The following ZHX2 variants were observed in gnomAD, a reference collection of about 807,000 sequenced individuals.
ZHX2 encodes the protein zinc fingers and homeoboxes 2, also known as zinc fingers and homeoboxes protein 2.
ZHX2 carries 6 observed loss-of-function variants against 21.9 expected under a neutral mutation model. The ratio of observed to expected loss-of-function variants is 0.27; its 90% CI spans 0.15 to 0.54. ZHX2 has a LOEUF of 0.54. Ranked by LOEUF, ZHX2 falls within the 20% of genes least tolerant of loss-of-function variation. The probability of loss-of-function intolerance (pLI) is 0.95; values close to 1 mark genes in which losing one functional copy is unlikely to be tolerated. For synonymous variants in ZHX2, 434 were observed against 437.1 expected (o/e 0.99, Z 0.09); for missense variants, 908 against 1,090.7 (o/e 0.83, Z 2.36).
chr8:122,891,547 G>T (rs3114978), intron 2 of ZHX2, among the ~76,000 whole-genome samples: 1 of 152,048 alleles, frequency 6.6e-6, no homozygotes, highest in Non-Finnish European at 1.5e-5. Context: ...CTACTTTTTA[G>T]ATGTAGGTGT....
At chr8:122,844,074 G>A (rs1488903785) in intron 1 of ZHX2, among the ~76,000 whole-genome samples, 1 of 152,086 alleles carries the variant, frequency 6.6e-6, no homozygotes, top group Non-Finnish European at 1.5e-5. Flanking sequence ...CTTTCTTGGG[G>A]CATCTCCTAC....
intron 2 of ZHX2, among the ~76,000 whole-genome samples, chr8:122,867,293 G>A (rs58533610): frequency 0.012 from 1,846 of 152,248 alleles, 18 homozygotes; most frequent in African/African-American, 0.021. Context: ...TCAGCCCAGG[G>A]TGTTTCCTGC....
intron 1 of ZHX2, among the ~76,000 whole-genome samples, chr8:122,851,595 C>A (rs1179495179): frequency 6.6e-6 from 1 of 152,232 alleles, no homozygotes; most frequent in Non-Finnish European, 1.5e-5. Flanking sequence ...TGTTTTGATT[C>A]CTCCAGGATC....
intron 1 of ZHX2, among the ~76,000 whole-genome samples, chr8:122,814,075 G>A (rs1203875702): frequency 6.6e-6 from 1 of 152,010 alleles, no homozygotes; most frequent in African/African-American, 2.4e-5. Flanking sequence ...CCCCAATCCA[G>A]ACCCAAAGTT....
At chr8:122,788,711 C>T (rs1241300790) in intron 1 of ZHX2, among the ~76,000 whole-genome samples, 2 of 152,212 alleles carry the variant, frequency 1.3e-5, no homozygotes, top group Non-Finnish European at 2.9e-5. Context: ...GTACGTAAGT[C>T]TTCTGGAAGC....
chr8:122,844,709 C>T (rs116329645), intron 1 of ZHX2, among the ~76,000 whole-genome samples: 130 of 152,164 alleles, frequency 8.5e-4, no homozygotes, highest in African/African-American at 3.0e-3. Context: ...CTCACTGAGT[C>T]TCTCTCTCTC....
intron 2 of ZHX2, among the ~76,000 whole-genome samples, chr8:122,920,717 G>T (rs1820716841): frequency 6.6e-6 from 1 of 152,182 alleles, no homozygotes; most frequent in South Asian, 2.1e-4. Context: ...CAGGCCACGT[G>T]CCCTCCAGTT....
chr8:122,884,789 GC>G (rs1197575680), intron 2 of ZHX2, among the ~76,000 whole-genome samples: 2 of 152,310 alleles, frequency 1.3e-5, no homozygotes, highest in East Asian at 1.9e-4. Context: ...CCTTTCAGGA[GC>G]CTTACACATC....
rs192915371 is a variant in ZHX2 at position 122,956,627 on chromosome 8, G to T, written c.*4+2599G>T. ...TGCCACTGGTGAGAAACCAAAAGAG[G>T]TTGGGCATAGCCAAAAGGTAGAGTT... is the stretch of plus-strand genomic sequence containing the variant. On this transcript the variant is annotated intron_variant, in intron 3 of 3. Coordinates refer to ENST00000314393, the MANE Select transcript of ZHX2 (RefSeq NM_014943.5). 6.6e-5 allele frequency among the ~76,000 whole-genome samples: 10 copies of T among 152,316 alleles called. No individual in the cohort carries two copies. The East Asian group carries it at 1.7e-3, about 26-fold the overall frequency.
chr8:122,962,159 A>G (rs1206049225), intron 3 of ZHX2, among the ~76,000 whole-genome samples: 2 of 152,176 alleles, frequency 1.3e-5, no homozygotes, highest in South Asian at 2.1e-4. Flanking sequence ...TTGGGGGAAC[A>G]TGTGGTGTTG....
chr8:122,937,963 G>A (rs1353005427), intron 2 of ZHX2, among the ~76,000 whole-genome samples: 2 of 75,456 alleles, frequency 2.7e-5, no homozygotes, highest in Non-Finnish European at 5.0e-5. Flanking sequence ...TTGAGACGGA[G>A]TCTGGCTCTG....
intron 1 of ZHX2, among the ~76,000 whole-genome samples, chr8:122,819,183 A>G (rs1232940628): frequency 6.6e-6 from 1 of 152,204 alleles, no homozygotes; most frequent in Non-Finnish European, 1.5e-5. Flanking sequence ...GGCAACTGAG[A>G]AGAGCCAGTG....
chr8:122,870,984 G>A (rs566650530), intron 2 of ZHX2, among the ~76,000 whole-genome samples: 1 of 152,308 alleles, frequency 6.6e-6, no homozygotes, highest in Admixed American at 6.5e-5. Context: ...GTGGCAGGTG[G>A]TGTTGAAGGC....
At chr8:122,921,082 T>G (rs147215669) in intron 2 of ZHX2, among the ~76,000 whole-genome samples, 40 of 152,098 alleles carry the variant, frequency 2.6e-4, no homozygotes, top group African/African-American at 9.2e-4. Context: ...TTTGTTTTTG[T>G]TTTTGTTTTT....
chr8:122,883,916 G>A (rs780520440), intron 2 of ZHX2, among the ~76,000 whole-genome samples: 24 of 152,218 alleles, frequency 1.6e-4, no homozygotes, highest in Admixed American at 3.3e-4. Context: ...TGTATTTTGT[G>A]TGTAGTCATG....
rs556973769 is a variant in ZHX2, at chr8:122,838,302, G to A, written c.-282-25175G>A. Among the ~76,000 whole-genome samples, 19 of 152,258 alleles carry A rather than the reference G, an allele frequency of 1.2e-4. No individual in the cohort carries two copies. In the East Asian group the frequency reaches 2.7e-3, roughly 22 times the overall value. ...ACAGACACCCTGGCGAATATTCCTC[G>A]TGTGCCCATCCCTCACATGCCCTTT... On this transcript the variant is annotated intron_variant, in intron 1 of 3. Coordinates refer to ENST00000314393, the MANE Select transcript of ZHX2 (RefSeq NM_014943.5).
chr8:122,888,944 G>C (rs1013079158), intron 2 of ZHX2, among the ~76,000 whole-genome samples: 1 of 151,970 alleles, frequency 6.6e-6, no homozygotes, highest in Non-Finnish European at 1.5e-5. Flanking sequence ...CTCTCTACTT[G>C]TATGAGATGA....
chr8:122,867,654 G>A (rs17367409), intron 2 of ZHX2, among the ~76,000 whole-genome samples: 50,933 of 151,992 alleles, frequency 0.34, 9,142 homozygotes, highest in Admixed American at 0.47. Flanking sequence ...TTCAGAACTA[G>A]GTTTCCCCTG....
At chr8:122,783,247 A>G (rs1344898765) in intron 1 of ZHX2, among the ~76,000 whole-genome samples, 1 of 152,114 alleles carries the variant, frequency 6.6e-6, no homozygotes, top group Non-Finnish European at 1.5e-5. Flanking sequence ...GTCGATGAAT[A>G]AGGACTTTCC....
Sources: allele counts gnomAD v4.1 joint callset (sites outside exome capture counted in the v4.1 genomes callset), GRCh38; gene constraint gnomAD v4.1.1; transcripts MANE v1.5; gene names NCBI Gene and HGNC (gene_info 2026-07-23, HGNC 2026-07-21).